Variants in GAPVD1 observed in about 807,000 individuals in gnomAD.
GAPVD1 encodes GTPase-activating protein and VPS9 domain-containing protein 1.
In GAPVD1, 35 loss-of-function variants were observed where a neutral mutation model predicts 155.5. The ratio of observed to expected loss-of-function variants is 0.23; its 90% CI spans 0.17 to 0.30. The LOEUF (loss-of-function observed/expected upper bound fraction) is 0.30. Ranked by LOEUF, GAPVD1 falls within the 10% of genes least tolerant of loss-of-function variation. The pLI, the probability that GAPVD1 is intolerant of heterozygous loss-of-function variation, is 1.00. For missense variants in GAPVD1, 1,429 were observed against 1,775.7 expected, an observed-to-expected ratio of 0.80 and a Z score of 3.51; for synonymous variants, 636 against 619.7, an observed-to-expected ratio of 1.03 and a Z score of -0.39.
intron 2 of GAPVD1, among the ~76,000 whole-genome samples, chr9:125,274,620 C>T (rs1008779923): frequency 1.8e-4 from 27 of 151,796 alleles, no homozygotes; most frequent in African/African-American, 5.1e-4. Flanking sequence ...TGCACCACCA[C>T]GCCTGGCTAA....
intron 1 of GAPVD1, chr9:125,263,914 C>G: frequency 1.4e-6 from 2 of 1,445,732 alleles, no homozygotes; most frequent in Non-Finnish European, 1.9e-6. Context: ...AGAAATGTCT[C>G]CAGGCAAACT....
chr9:125,354,773 A>G lies in GAPVD1; in HGVS notation c.3689A>G (p.Tyr1230Cys), dbSNP rs1370758406. The change falls in exon 24 of 28, where the codon TAC (tyrosine) becomes TGC (cysteine). Residue 1230 changes from tyrosine (Y) to cysteine (C), a missense_variant. This residue lies in a region of GAPVD1 where 699 missense variants were observed against 826.0 expected (regional missense o/e 0.85). Transcript: ENST00000297933. ...VLRDKEVANR[Y>C]FTTVCVRLLL... ...CGGGACAAAGAAGTGGCCAATCGAT[A>G]CTTTACCACTGTCTGTGTGAGATTA... is the stretch of plus-strand genomic sequence containing the variant. The G allele has an allele frequency of 1.2e-6, 2 of 1,613,836 alleles. No individual in the cohort carries two copies. Among genetic ancestry groups the G allele is most frequent in the African/African-American group, 2.7e-5 (2 of 75,050 alleles).
At chr9:125,289,961 G>A (rs1050101257) in intron 2 of GAPVD1, among the ~76,000 whole-genome samples, 2 of 152,210 alleles carry the variant, frequency 1.3e-5, no homozygotes, top group African/African-American at 4.8e-5. Flanking sequence ...GCAAACCCAT[G>A]AGAATGTGGG....
chr9:125,283,783 T>G (rs1191274430), intron 2 of GAPVD1, among the ~76,000 whole-genome samples: 1 of 152,216 alleles, frequency 6.6e-6, no homozygotes, highest in East Asian at 1.9e-4. Flanking sequence ...GAAATATTTT[T>G]TTTCCTACCT....
In GAPVD1 at chr9:125,293,852, T is replaced by TTA. The variant is rs1161661604; in HGVS notation, c.-149-1555_-149-1554dup. ...AAAAATATATATATAAAAATATATT[T>TTA]TATATATATATATATATATATATAT... On this transcript the variant is annotated intron_variant, in intron 2 of 27. Transcript: ENST00000297933. Among the ~76,000 whole-genome samples the TTA allele has an allele frequency of 8.8e-3, 306 of 34,882 alleles. 3 individuals are homozygous for TTA. Among genetic ancestry groups the TTA allele is most frequent in the Middle Eastern group, 0.014 (1 of 72 alleles). 22.9% of individuals were successfully genotyped at this position (34,882 alleles called of 152,430 possible).
Position 125,332,598 on chromosome 9 carries a change from C to T in GAPVD1, c.2397C>T (p.Val799=). ...CTGATTTTGGGGGTAAAGATTCTGTCACTAGTCCAGACATGGATGAAATAA... is the reference window on the plus strand; with the variant it reads ...CTGATTTTGGGGGTAAAGATTCTGTTACTAGTCCAGACATGGATGAAATAA... The part of the protein sequence containing the change: ...CSSDFGGKDS[V]TSPDMDEITH... The change falls in exon 15 of 28, where the codon GTC becomes GTT. Residue 799 remains valine (V), a synonymous_variant. Transcript: ENST00000297933. 1.2e-6 allele frequency: 2 copies of T among 1,609,730 alleles called. No individual in the cohort carries two copies. The highest frequency in any genetic ancestry group is 1.1e-5 in the South Asian group (1 of 90,700).
intron 7 of GAPVD1, 67 bp from the exon 8 acceptor site, chr9:125,307,624 T>G (rs1459703153): frequency 1.6e-5 from 25 of 1,560,430 alleles, no homozygotes; most frequent in Admixed American, 3.4e-5. Context: ...ATGAGTACAT[T>G]GTGTGGGAAA....
chr9:125,290,886 G>A (rs1463960631), intron 2 of GAPVD1, among the ~76,000 whole-genome samples: 1 of 151,622 alleles, frequency 6.6e-6, no homozygotes, highest in African/African-American at 2.4e-5. Context: ...CCCAGCCTCT[G>A]GATGCTGAGG....
At chr9:125,345,288 C>G (rs1427015028) in intron 19 of GAPVD1, among the ~76,000 whole-genome samples, 5 of 151,174 alleles carry the variant, frequency 3.3e-5, no homozygotes, top group Non-Finnish European at 7.4e-5. Flanking sequence ...TCAAGTGATT[C>G]TTCTGCCTCA....
intron 2 of GAPVD1, among the ~76,000 whole-genome samples, chr9:125,293,868 A>ATATATATATATAAATATATTT (rs1839249260): frequency 5.2e-5 from 1 of 19,346 alleles, no homozygotes; most frequent in Non-Finnish European, 7.9e-5. Context: ...ATATATATAT[A>ATATATATATATAAATATATTT]TATATATATA....
intron 8 of GAPVD1, among the ~76,000 whole-genome samples, chr9:125,311,553 G>A (rs559961198): frequency 3.2e-4 from 49 of 152,202 alleles, no homozygotes; most frequent in Admixed American, 2.2e-3. Flanking sequence ...CCCAGGAGGC[G>A]GTGATCGCAA....
At chr9:125,340,305 G>A (rs1366830477) in intron 17 of GAPVD1, among the ~76,000 whole-genome samples, 7 of 152,208 alleles carry the variant, frequency 4.6e-5, no homozygotes, top group Admixed American at 3.9e-4. Context: ...ACAGGCGTGA[G>A]CCACTGCATC....
At chr9:125,322,134 G>A (rs1012894692) in intron 10 of GAPVD1, among the ~76,000 whole-genome samples, 1 of 151,648 alleles carries the variant, frequency 6.6e-6, no homozygotes, top group Non-Finnish European at 1.5e-5. Context: ...TCGCAATCTC[G>A]GCTCACTGCA....
In GAPVD1 at chr9:125,360,514, A is replaced by T; in HGVS notation, c.4045-14A>T. 6.2e-7 allele frequency: 1 copy of T among 1,608,044 alleles called. No individual in the cohort carries two copies. The highest frequency in any genetic ancestry group is 2.2e-5 in the East Asian group (1 of 44,824). On this transcript the variant is annotated splice_polypyrimidine_tract_variant and intron_variant, in intron 26 of 27. Coordinates refer to ENST00000297933, the MANE Select transcript of GAPVD1 (RefSeq NM_001282680.3). The stretch of plus-strand genomic sequence containing the variant: ...TGGATTCAGAATCTGTATATTGTCT[A>T]TGGTCTCACTTAGGTTTATCTTCGA...
intron 23 of GAPVD1, 65 bp from the exon 24 acceptor site, chr9:125,354,589 C>T (rs1181004699): frequency 1.9e-6 from 2 of 1,072,442 alleles, no homozygotes; most frequent in African/African-American, 1.6e-5. Context: ...AGTTAGGACC[C>T]TTATTCTTCA....
At chr9:125,342,424 T>C (rs1016124517) in intron 19 of GAPVD1, 125 bp downstream of exon 19, 2 of 659,762 alleles carry the variant, frequency 3.0e-6, no homozygotes, top group South Asian at 1.8e-5. Context: ...GTGGGGAGTA[T>C]GTTCTTCATA....
chr9:125,365,548 G>A lies in GAPVD1; in HGVS notation c.*2802G>A, dbSNP rs1441878369. 6.6e-6 allele frequency: 1 copy of A among 152,122 alleles called. No individual in the cohort carries two copies. The highest frequency in any genetic ancestry group is 6.5e-5 in the Admixed American group (1 of 15,274). The allele number at this position is 152,122 out of a possible 1,614,324, so 9.4% of individuals were successfully genotyped here. A position where few individuals can be genotyped will look rare whatever the true frequency, so the allele number is the denominator to read the frequency against. On this transcript the variant is annotated 3_prime_UTR_variant, in exon 28 of 28. Coordinates refer to ENST00000297933, the MANE Select transcript of GAPVD1 (RefSeq NM_001282680.3). ...ATCTTGTAGGATTAACTTCTCTGAG[G>A]AAAAGAAAAATCAGGTTTGCATTTT...
intron 27 of GAPVD1, among the ~76,000 whole-genome samples, chr9:125,361,342 A>C (rs2132721047): frequency 6.6e-6 from 1 of 152,208 alleles, no homozygotes; most frequent in South Asian, 2.1e-4. Context: ...ATTCAAGACT[A>C]GCTTGGCCAA....
intron 2 of GAPVD1, among the ~76,000 whole-genome samples, chr9:125,290,237 A>G (rs1385959762): frequency 6.6e-6 from 1 of 152,138 alleles, no homozygotes; most frequent in Non-Finnish European, 1.5e-5. Context: ...AAAGTGAAGT[A>G]GAGAGATTTC....
Sources: gnomAD v4.1 joint callset for allele counts (sites outside exome capture counted in the v4.1 genomes callset) on GRCh38, gnomAD v4.1.1 for gene constraint, gnomAD v4.1.1 regional missense constraint, MANE v1.5 for transcripts, NCBI Gene and HGNC (gene_info 2026-07-23, HGNC 2026-07-21) for gene names.